The following ZNF236 variants were observed in gnomAD, a reference collection of about 807,000 sequenced individuals.
ZNF236 encodes the protein regulated by glucose.
Under a neutral mutation model 191.2 loss-of-function variants are expected in ZNF236, and 50 were observed. The ratio of observed to expected loss-of-function variants is 0.26; its 90% CI spans 0.21 to 0.33. ZNF236 has a LOEUF of 0.33. ZNF236 is among the 10% of genes least tolerant of loss of function. ZNF236 has a pLI of 1.00. For missense variants in ZNF236, 1,754 were observed against 2,374.5 expected, an observed-to-expected ratio of 0.74 and a Z score of 5.43; for synonymous variants, 907 against 928.8, an observed-to-expected ratio of 0.98 and a Z score of 0.43.
At chr18:76,837,417 C>CT (rs1231401219) in intron 1 of ZNF236, among the ~76,000 whole-genome samples, 2 of 143,942 alleles carry the variant, frequency 1.4e-5, no homozygotes, top group African/African-American at 5.1e-5. Flanking sequence ...GTCTGAATTC[C>CT]TTTTTTTCTT....
intron 4 of ZNF236, among the ~76,000 whole-genome samples, chr18:76,869,405 C>T (rs533104798): frequency 1.4e-3 from 217 of 152,210 alleles, no homozygotes; most frequent in African/African-American, 4.8e-3. Flanking sequence ...AAATTTAAAC[C>T]ATAAGAGTCT....
At chr18:76,938,428 C>G (rs1599411650) in intron 26 of ZNF236, among the ~76,000 whole-genome samples, 1 of 152,138 alleles carries the variant, frequency 6.6e-6, no homozygotes, top group African/African-American at 2.4e-5. Context: ...AAACACATTC[C>G]TTGATTGTCC....
intron 5 of ZNF236, among the ~76,000 whole-genome samples, chr18:76,873,424 T>G (rs1342657030): frequency 6.6e-6 from 1 of 152,226 alleles, no homozygotes; most frequent in Non-Finnish European, 1.5e-5. Context: ...CATGTGTCAC[T>G]TGCTCCAATT....
intron 1 of ZNF236, among the ~76,000 whole-genome samples, chr18:76,827,979 C>A (rs1011274240): frequency 2.6e-5 from 4 of 151,936 alleles, no homozygotes; most frequent in Non-Finnish European, 4.4e-5. Context: ...GTTTCTTTTT[C>A]CTTTTGGAGG....
chr18:76,955,321 G>A (rs1052662738), intron 27 of ZNF236, among the ~76,000 whole-genome samples: 1 of 152,172 alleles, frequency 6.6e-6, no homozygotes, highest in Non-Finnish European at 1.5e-5. Flanking sequence ...GAGGGCTGGG[G>A]TGGGAGGATT....
intron 12 of ZNF236, 111 bp from the exon 13 acceptor site, chr18:76,905,044 C>T (rs1490108436): frequency 8.4e-7 from 1 of 1,194,196 alleles, no homozygotes; most frequent in Non-Finnish European, 1.1e-6. Flanking sequence ...TGCTGCTTAG[C>T]TTTAAAAAAT....
chr18:76,875,556 C>T lies in ZNF236; in HGVS notation c.732C>T (p.Thr244=). Residue 244 remains threonine (T), a synonymous_variant, in exon 6 of 31, where the codon ACC becomes ACT. Transcript: ENST00000320610. The surrounding 1 kb of genome is among the most constrained non-coding windows in gnomAD (Gnocchi z 4.3). ...TTAACCAGAAGGGGGCACTGCAGACCCACATGATCAAGCACACAGGTGAAA... is the reference window on the plus strand; with the variant it reads ...TTAACCAGAAGGGGGCACTGCAGACTCACATGATCAAGCACACAGGTGAAA... ...KAFNQKGALQ[T]HMIKHTGEKP... is the part of the protein sequence containing the mutation. 1 of 1,600,076 alleles carries T rather than the reference C, an allele frequency of 6.2e-7. No homozygotes were observed. The highest frequency in any genetic ancestry group is 8.5e-7 in the Non-Finnish European group (1 of 1,172,216).
chr18:76,823,289 C>A (rs376524285), intron 1 of ZNF236, among the ~76,000 whole-genome samples: 2 of 151,594 alleles, frequency 1.3e-5, no homozygotes, highest in East Asian at 3.9e-4. Context: ...CGCTGTGGGG[C>A]GTGCATACAG....
At chr18:76,867,321 A>C (rs889172978) in intron 3 of ZNF236, among the ~76,000 whole-genome samples, 5 of 152,034 alleles carry the variant, frequency 3.3e-5, no homozygotes, top group African/African-American at 1.2e-4. Context: ...GTCACTAAAA[A>C]TTTAGTAGTT....
chr18:76,832,309 C>T (rs1202761151), intron 1 of ZNF236, among the ~76,000 whole-genome samples: 2 of 152,076 alleles, frequency 1.3e-5, no homozygotes, highest in Admixed American at 6.5e-5. Context: ...TCCAACTCCT[C>T]GCCTCAGGTG....
At chr18:76,943,841 T>C (rs1017324594) in intron 26 of ZNF236, among the ~76,000 whole-genome samples, 12 of 152,358 alleles carry the variant, frequency 7.9e-5, no homozygotes, top group Non-Finnish European at 1.6e-4. Flanking sequence ...CTTGTAAATA[T>C]CTTGACATTT....
intron 3 of ZNF236, among the ~76,000 whole-genome samples, chr18:76,866,820 G>T (rs951813944): frequency 6.6e-6 from 1 of 152,124 alleles, no homozygotes; most frequent in Non-Finnish European, 1.5e-5. Flanking sequence ...TTGCCAGGGC[G>T]CGCAGGGGGA....
chr18:76,903,102 A>G (rs1159104919), intron 11 of ZNF236, among the ~76,000 whole-genome samples: 1 of 152,218 alleles, frequency 6.6e-6, no homozygotes, highest in Non-Finnish European at 1.5e-5. Context: ...TTTTTGAAAA[A>G]TAAGGTTCTG....
At chr18:76,832,064 G>A (rs1318102011) in intron 1 of ZNF236, among the ~76,000 whole-genome samples, 1 of 151,964 alleles carries the variant, frequency 6.6e-6, no homozygotes, top group African/African-American at 2.4e-5. Flanking sequence ...TCATCTAGAG[G>A]CTTTATTGTT....
At chr18:76,926,530 G>A (rs558111582) in intron 22 of ZNF236, among the ~76,000 whole-genome samples, 1 of 152,100 alleles carries the variant, frequency 6.6e-6, no homozygotes, top group South Asian at 2.1e-4. Flanking sequence ...TAGGTTTCTG[G>A]GGTAATTAGA....
At chr18:76,905,646 A>G (rs11872431) in intron 13 of ZNF236, among the ~76,000 whole-genome samples, 9,730 of 150,622 alleles carry the variant, frequency 0.065, 1,020 homozygotes, top group African/African-American at 0.22. Flanking sequence ...TTTTAATTTA[A>G]TAATGAAGTA....
intron 3 of ZNF236, 109 bp from the exon 4 acceptor site, chr18:76,868,576 G>T: frequency 1.1e-6 from 1 of 875,258 alleles, no homozygotes; most frequent in Non-Finnish European, 1.7e-6. Flanking sequence ...AGATTAGAGA[G>T]ACCAAGTAGT....
intron 1 of ZNF236, chr18:76,834,511 A>G: frequency 2.1e-6 from 1 of 474,252 alleles, no homozygotes; most frequent in African/African-American, 2.0e-5. Flanking sequence ...TTTCCGTTCA[A>G]GGAGCATTTT....
chr18:76,826,933 G>A (rs1464465626), intron 1 of ZNF236, among the ~76,000 whole-genome samples: 1 of 134,014 alleles, frequency 7.5e-6, no homozygotes, highest in African/African-American at 3.4e-5. Context: ...AGTTTTGCTC[G>A]TTGCCCAGGC....
Sources: gnomAD v4.1 joint callset for allele counts (sites outside exome capture counted in the v4.1 genomes callset) on GRCh38, gnomAD v4.1.1 for gene constraint, Gnocchi (gnomAD v3.1) non-coding constraint, MANE v1.5 for transcripts, NCBI Gene and HGNC (gene_info 2026-07-23, HGNC 2026-07-21) for gene names.